The following CDH18 variants were observed in gnomAD, a reference collection of about 807,000 sequenced individuals.
CDH18 encodes cadherin 18.
A neutral mutation model predicts 67.9 loss-of-function variants in CDH18; 31 were observed. The ratio of observed to expected loss-of-function variants is 0.46; its 90% CI spans 0.34 to 0.62. The LOEUF (loss-of-function observed/expected upper bound fraction) is 0.62. Among genes scored for constraint, CDH18 ranks in the 20% least tolerant of loss-of-function variants. The pLI is 0.01. For synonymous variants in CDH18, 362 were observed against 347.2 expected, an observed-to-expected ratio of 1.04 and a Z score of -0.48; for missense variants, 890 against 975.5, an observed-to-expected ratio of 0.91 and a Z score of 1.17.
intron 5 of CDH18, among the ~76,000 whole-genome samples, chr5:19,639,001 T>TTGTTTG (rs1554066474): frequency 4.5e-5 from 4 of 88,132 alleles, no homozygotes; most frequent in Admixed American, 1.5e-4. Flanking sequence ...TTTTTTTTTT[T>TTGTTTG]TTTGTTTGTT....
intron 6 of CDH18, among the ~76,000 whole-genome samples, chr5:19,594,117 A>G (rs1745776609): frequency 6.6e-6 from 1 of 151,972 alleles, no homozygotes; most frequent in African/African-American, 2.4e-5. Context: ...ATTCTTCTGT[A>G]TATAGATAAT....
intron 1 of CDH18, among the ~76,000 whole-genome samples, chr5:20,410,390 A>T (rs1006792286): frequency 7.9e-5 from 12 of 152,008 alleles, no homozygotes; most frequent in East Asian, 3.9e-4. Context: ...AAATCTCATG[A>T]TTACCTCATA....
intron 5 of CDH18, among the ~76,000 whole-genome samples, chr5:19,648,730 G>C (rs184864530): frequency 1.6e-3 from 247 of 151,804 alleles, no homozygotes; most frequent in African/African-American, 5.7e-3. Flanking sequence ...AAAAAGCTTA[G>C]CTTCGAACCA....
intron 2 of CDH18, among the ~76,000 whole-genome samples, chr5:20,012,372 CAAAAAAAAA>C (rs374226366): frequency 1.7e-5 from 2 of 116,088 alleles, no homozygotes; most frequent in African/African-American, 6.7e-5. Flanking sequence ...TTATCTTGTT[CAAAAAAAAA>C]AAAAAAAAAA....
At chr5:20,471,829 A>C (rs1752099600) in intron 1 of CDH18, among the ~76,000 whole-genome samples, 1 of 144,884 alleles carries the variant, frequency 6.9e-6, no homozygotes, top group Non-Finnish European at 1.5e-5. Context: ...ATCGAGATTC[A>C]GTCTAAAAAA....
intron 5 of CDH18, among the ~76,000 whole-genome samples, chr5:19,687,908 G>C (rs1258109782): frequency 6.6e-6 from 1 of 152,144 alleles, no homozygotes; most frequent in Non-Finnish European, 1.5e-5. Context: ...CCCATGAACA[G>C]TACCAAGAGG....
At chr5:20,452,248 C>T (rs1189242832) in intron 1 of CDH18, among the ~76,000 whole-genome samples, 1 of 152,100 alleles carries the variant, frequency 6.6e-6, no homozygotes, top group East Asian at 1.9e-4. Flanking sequence ...TAACATTCTT[C>T]AGCACATTAA....
chr5:20,441,169 G>A (rs1000209780), intron 1 of CDH18, among the ~76,000 whole-genome samples: 2 of 151,590 alleles, frequency 1.3e-5, no homozygotes, highest in African/African-American at 2.4e-5. Flanking sequence ...TAAGCAGAAA[G>A]AACAATTGTT....
intron 1 of CDH18, among the ~76,000 whole-genome samples, chr5:20,360,470 T>C (rs1034557900): frequency 6.6e-6 from 1 of 152,192 alleles, no homozygotes; most frequent in Non-Finnish European, 1.5e-5. Context: ...ATCTGTTAGG[T>C]TGGCATCATT....
At chr5:20,164,389 C>G (rs1011152354) in intron 2 of CDH18, among the ~76,000 whole-genome samples, 1 of 152,010 alleles carries the variant, frequency 6.6e-6, no homozygotes, top group Non-Finnish European at 1.5e-5. Flanking sequence ...CAGGTTCAAG[C>G]GACTCTCCTG....
At chr5:19,608,246 C>T (rs955718637) in intron 6 of CDH18, among the ~76,000 whole-genome samples, 2 of 151,626 alleles carry the variant, frequency 1.3e-5, no homozygotes, top group Middle Eastern at 3.4e-3. Context: ...TATATACTGT[C>T]ATTTTAAAGA....
intron 4 of CDH18, among the ~76,000 whole-genome samples, chr5:19,745,602 C>G (rs1202065052): frequency 2.0e-5 from 3 of 152,158 alleles, no homozygotes; most frequent in African/African-American, 7.2e-5. Context: ...CTCTCACCCA[C>G]CAGGGTTAAA....
intron 1 of CDH18, among the ~76,000 whole-genome samples, chr5:20,291,589 T>C (rs920082704): frequency 2.6e-5 from 4 of 152,118 alleles, no homozygotes; most frequent in Non-Finnish European, 4.4e-5. Flanking sequence ...CTTGGCTGTA[T>C]AGAAAGGCAC....
At chr5:20,434,446 A>C (rs1749011166) in intron 1 of CDH18, among the ~76,000 whole-genome samples, 1 of 152,080 alleles carries the variant, frequency 6.6e-6, no homozygotes, top group African/African-American at 2.4e-5. Flanking sequence ...AAATGAAATT[A>C]TGACTAAAGA....
chr5:20,066,774 G>T (rs1022159555), intron 2 of CDH18, among the ~76,000 whole-genome samples: 42 of 152,056 alleles, frequency 2.8e-4, no homozygotes, highest in Admixed American at 9.2e-4. Flanking sequence ...AAAGTTTTCT[G>T]ACTGGGGCAA....
intron 5 of CDH18, among the ~76,000 whole-genome samples, chr5:19,613,515 AT>A (rs1454384900): frequency 6.6e-6 from 1 of 152,336 alleles, no homozygotes; most frequent in African/African-American, 2.4e-5. Flanking sequence ...GGTTTATTCT[AT>A]AAATCATCTG....
chr5:20,153,256 A>T lies in CDH18; in HGVS notation c.-518+102188T>A, dbSNP rs376935486. ...CAGCCTGATGATTCTTGTGAATCAG[A>T]GGTTTCTAAAATCTTTGGTTTCTAA... is the stretch of plus-strand genomic sequence containing the variant. On this transcript the variant is annotated intron_variant, in intron 2 of 14. Coordinates refer to the CDH18 transcript ENST00000507958. 6.2e-4 allele frequency among the ~76,000 whole-genome samples: 95 copies of T among 152,160 alleles called. No homozygotes were observed. In the South Asian group the frequency reaches 0.018, roughly 28 times the overall value.
At chr5:20,029,586 T>C (rs1344530109) in intron 2 of CDH18, among the ~76,000 whole-genome samples, 4 of 152,218 alleles carry the variant, frequency 2.6e-5, no homozygotes, top group Admixed American at 2.0e-4. Flanking sequence ...TCCATAAGAT[T>C]ATGAGATTAC....
intron 2 of CDH18, among the ~76,000 whole-genome samples, chr5:20,158,507 A>G (rs1324950157): frequency 6.6e-6 from 1 of 152,158 alleles, no homozygotes; most frequent in Non-Finnish European, 1.5e-5. Flanking sequence ...CATTAATTTA[A>G]TAATCGTGGC....
Sources: gnomAD v4.1 joint callset for allele counts (sites outside exome capture counted in the v4.1 genomes callset) on GRCh38, gnomAD v4.1.1 for gene constraint, MANE v1.5 for transcripts, NCBI Gene and HGNC (gene_info 2026-07-23, HGNC 2026-07-21) for gene names.